Variants in AHI1 observed in about 807,000 individuals in gnomAD.
AHI1 encodes the protein jouberin.
AHI1 carries 123 observed loss-of-function variants against 149.3 expected under a neutral mutation model. That is an observed-to-expected ratio of 0.82 (90% CI 0.71 to 0.96). The LOEUF (loss-of-function observed/expected upper bound fraction) is 0.96, where lower values mean the gene tolerates loss of function less well. AHI1 is among the 40% of genes least tolerant of loss of function. The pLI, the probability that AHI1 is intolerant of heterozygous loss-of-function variation, is 0.00. For missense variants in AHI1, 1,439 were observed against 1,422.7 expected, an observed-to-expected ratio of 1.01 and a Z score of -0.18; for synonymous variants, 475 against 459.8, an observed-to-expected ratio of 1.03 and a Z score of -0.42.
At chr6:135,346,535 A>G (rs1044738863) in intron 24 of AHI1, among the ~76,000 whole-genome samples, 8 of 152,110 alleles carry the variant, frequency 5.3e-5, no homozygotes, top group Admixed American at 2.6e-4. Flanking sequence ...TAAATTACCA[A>G]GTGGTAACAG....
chr6:135,372,826 C>T (rs908114050), intron 23 of AHI1, among the ~76,000 whole-genome samples: 1 of 152,184 alleles, frequency 6.6e-6, no homozygotes, highest in African/African-American at 2.4e-5. Flanking sequence ...GGACTGACAC[C>T]CACACCTCTA....
At chr6:135,383,199 T>TTGATTGA (rs1361690882) in intron 23 of AHI1, among the ~76,000 whole-genome samples, 2 of 147,776 alleles carry the variant, frequency 1.4e-5, no homozygotes, top group South Asian at 2.1e-4. Context: ...AAAATTATGA[T>TTGATTGA]TGATTGATTC....
rs186490744 is a variant in AHI1, at chr6:135,324,313, G to T, written c.3166-989C>A. On this transcript the variant is annotated intron_variant, in intron 24 of 28. Coordinates refer to ENST00000265602, the MANE Select transcript of AHI1 (RefSeq NM_001134831.2). ...ACTACACTTCAGCCTGGGTGACGCA[G>T]GAAGACCTTGTCTCTAAAAAAAAAG... Among the ~76,000 whole-genome samples the T allele has an allele frequency of 2.4e-3, 372 of 151,946 alleles. 6 individuals carry two copies. Among genetic ancestry groups the T allele is most frequent in the East Asian group, 7.7e-4 (4 of 5,176 alleles).
At chr6:135,488,006 C>A (rs1794722893) in intron 5 of AHI1, among the ~76,000 whole-genome samples, 1 of 152,114 alleles carries the variant, frequency 6.6e-6, no homozygotes, top group African/African-American at 2.4e-5. Flanking sequence ...CCAGATTCCT[C>A]AGGCTACAAT....
At chr6:135,318,062 T>A (rs1477092267) in intron 26 of AHI1, among the ~76,000 whole-genome samples, 1 of 152,200 alleles carries the variant, frequency 6.6e-6, no homozygotes, top group Non-Finnish European at 1.5e-5. Context: ...TGGTAATACA[T>A]CCACATTCAT....
chr6:135,289,633 T>G (rs186775194), intron 28 of AHI1, among the ~76,000 whole-genome samples: 1 of 152,216 alleles, frequency 6.6e-6, no homozygotes, highest in African/African-American at 2.4e-5. Flanking sequence ...TATTTAAGAA[T>G]CTGTTTTATA....
chr6:135,362,226 T>C (rs895302345), intron 23 of AHI1, among the ~76,000 whole-genome samples: 1 of 152,206 alleles, frequency 6.6e-6, no homozygotes, highest in Non-Finnish European at 1.5e-5. Flanking sequence ...TTTTTGCAAT[T>C]GCAAATTGTG....
intron 26 of AHI1, among the ~76,000 whole-genome samples, chr6:135,311,840 C>T (rs1204903148): frequency 3.9e-5 from 6 of 152,212 alleles, no homozygotes; most frequent in African/African-American, 7.2e-5. Context: ...CATTTTCCTG[C>T]TCCCACTCCC....
chr6:135,407,082 T>C (rs555528808), intron 21 of AHI1, among the ~76,000 whole-genome samples: 12 of 152,324 alleles, frequency 7.9e-5, no homozygotes, highest in African/African-American at 1.9e-4. Context: ...ATTTATATTA[T>C]GACTAAATGG....
Position 135,466,383 on chromosome 6 carries a change from G to A in AHI1, c.190-10C>T, listed in dbSNP as rs1790768335. 6.2e-7 allele frequency: 1 copy of A among 1,607,740 alleles called. No individual in the cohort carries two copies. The highest frequency in any genetic ancestry group is 8.5e-7 in the Non-Finnish European group (1 of 1,176,432). On this transcript the variant is annotated splice_polypyrimidine_tract_variant and intron_variant, in intron 6 of 28. Transcript: ENST00000265602. The stretch of plus-strand genomic sequence containing the variant: ...TTCTAATAGTGTCGGGCTAGGAAAA[G>A]AAGACATGATAACAAAGTTTCAGTT...
At chr6:135,408,683 A>G (rs1009506421) in intron 21 of AHI1, among the ~76,000 whole-genome samples, 1 of 152,206 alleles carries the variant, frequency 6.6e-6, no homozygotes, top group Non-Finnish European at 1.5e-5. Flanking sequence ...AAACTAATCA[A>G]GATATCTATC....
chr6:135,363,679 T>C (rs1271467568), intron 23 of AHI1, among the ~76,000 whole-genome samples: 132 of 137,516 alleles, frequency 9.6e-4, no homozygotes, highest in East Asian at 1.3e-3. Flanking sequence ...GGCGGGGGGC[T>C]GACCCCCCCA....
intron 20 of AHI1, among the ~76,000 whole-genome samples, chr6:135,418,187 A>C (rs1483260497): frequency 6.6e-6 from 1 of 152,078 alleles, no homozygotes; most frequent in Non-Finnish European, 1.5e-5. Flanking sequence ...CCATGCACTA[A>C]GCAGATTCTG....
chr6:135,400,233 AT>A (rs1236328596), intron 22 of AHI1, among the ~76,000 whole-genome samples: 2 of 152,230 alleles, frequency 1.3e-5, no homozygotes, highest in Non-Finnish European at 2.9e-5. Flanking sequence ...AATCTCAAAA[AT>A]ATCCAAATAT....
intron 23 of AHI1, among the ~76,000 whole-genome samples, chr6:135,371,156 GA>G (rs1486897564): frequency 6.6e-6 from 1 of 152,154 alleles, no homozygotes; most frequent in Non-Finnish European, 1.5e-5. Flanking sequence ...TATAGTGTAA[GA>G]AAACACCTAA....
chr6:135,446,618 T>G (rs375078881), intron 13 of AHI1, among the ~76,000 whole-genome samples: 6 of 152,194 alleles, frequency 3.9e-5, no homozygotes, highest in East Asian at 1.9e-4. Flanking sequence ...TGTGAGAATA[T>G]AGTGAAGAGG....
intron 25 of AHI1, among the ~76,000 whole-genome samples, chr6:135,320,144 A>G (rs999567925): frequency 6.6e-6 from 1 of 152,198 alleles, no homozygotes; most frequent in Non-Finnish European, 1.5e-5. Context: ...ATTCAGGTAA[A>G]AAAAGGATAA....
intron 8 of AHI1, among the ~76,000 whole-genome samples, chr6:135,459,499 GA>G (rs918322464): frequency 6.6e-6 from 1 of 151,220 alleles, no homozygotes; most frequent in African/African-American, 2.4e-5. Context: ...ACAGTTACAA[GA>G]AAAAAAATCA....
In AHI1 at chr6:135,452,845, C is replaced by T. The variant is rs183826462; in HGVS notation, c.1440+496G>A. ...CTACCATAGACCATTTCTTCCCCACCGGTGGCAATGTGTCTCTTCCTCAGG... is the reference window on the plus strand; with the variant it reads ...CTACCATAGACCATTTCTTCCCCACTGGTGGCAATGTGTCTCTTCCTCAGG... On this transcript the variant is annotated intron_variant, in intron 11 of 28. Coordinates refer to ENST00000265602, the MANE Select transcript of AHI1 (RefSeq NM_001134831.2). 4.7e-4 allele frequency among the ~76,000 whole-genome samples: 72 copies of T among 152,244 alleles called. 1 individual carries two copies. Among genetic ancestry groups the T allele is most frequent in the Middle Eastern group, 3.4e-3 (1 of 294 alleles).
Sources: allele counts gnomAD v4.1 joint callset (sites outside exome capture counted in the v4.1 genomes callset), GRCh38; gene constraint gnomAD v4.1.1; transcripts MANE v1.5; gene names NCBI Gene and HGNC (gene_info 2026-07-23, HGNC 2026-07-21).